The following ROCK2 variants were observed in gnomAD, a reference collection of about 807,000 sequenced individuals.
ROCK2 encodes rho-associated protein kinase 2.
A neutral mutation model predicts 195.1 loss-of-function variants in ROCK2; 61 were observed. The observed-to-expected ratio is 0.31, with a 90% CI of 0.25 to 0.39. The LOEUF (loss-of-function observed/expected upper bound fraction) is 0.39, where lower values mean the gene tolerates loss of function less well. ROCK2 is among the 10% of genes least tolerant of loss of function. The pLI is 1.00. For missense variants in ROCK2, 1,109 were observed against 1,637.4 expected (o/e 0.68, Z 5.57); for synonymous variants, 504 against 545.5 (o/e 0.92, Z 1.06).
intron 3 of ROCK2, among the ~76,000 whole-genome samples, chr2:11,251,063 A>C (rs888400524): frequency 2.0e-5 from 3 of 152,116 alleles, no homozygotes; most frequent in Admixed American, 1.3e-4. Context: ...CTTTCAGCTC[A>C]CTATTCCCTT....
intron 11 of ROCK2, chr2:11,217,423 G>C (rs1664472559): frequency 1.3e-5 from 7 of 525,560 alleles, no homozygotes; most frequent in South Asian, 8.3e-5. Flanking sequence ...CTCTAACTTT[G>C]GCAGAATTGT....
intron 1 of ROCK2, chr2:11,309,035 G>C: frequency 6.5e-7 from 1 of 1,531,726 alleles, no homozygotes; most frequent in Non-Finnish European, 8.8e-7. Flanking sequence ...CAACAGGCAG[G>C]AAGCAAGCCG....
intron 3 of ROCK2, among the ~76,000 whole-genome samples, chr2:11,267,221 C>G (rs1183178948): frequency 6.6e-6 from 1 of 152,056 alleles, no homozygotes; most frequent in Non-Finnish European, 1.5e-5. Flanking sequence ...TACAATTAAC[C>G]CTTAGGAAGC....
intron 1 of ROCK2, among the ~76,000 whole-genome samples, chr2:11,321,280 A>AT (rs1668391200): frequency 6.6e-6 from 1 of 151,922 alleles, no homozygotes; most frequent in Admixed American, 6.5e-5. Context: ...CGTTCAAGCG[A>AT]TTTTCGTGCC....
chr2:11,303,082 T>C (rs909827815), intron 1 of ROCK2, among the ~76,000 whole-genome samples: 6 of 152,152 alleles, frequency 3.9e-5, no homozygotes, highest in African/African-American at 1.4e-4. Flanking sequence ...AATAAAAAAA[T>C]TAAAAAGTTA....
intron 32 of ROCK2, among the ~76,000 whole-genome samples, chr2:11,185,238 G>A (rs1159333980): frequency 6.6e-6 from 1 of 152,194 alleles, no homozygotes; most frequent in African/African-American, 2.4e-5. Context: ...AATTCCAGTA[G>A]GACCCTGCCT....
chr2:11,220,702 C>T (rs1007591339), intron 9 of ROCK2, among the ~76,000 whole-genome samples: 22 of 152,146 alleles, frequency 1.4e-4, no homozygotes, highest in Non-Finnish European at 2.8e-4. Flanking sequence ...CAACACCTCA[C>T]AACTGTCCCC....
intron 1 of ROCK2, among the ~76,000 whole-genome samples, chr2:11,317,612 A>ATATATATATATATTTTT (rs59701503): frequency 5.2e-5 from 1 of 19,310 alleles, no homozygotes; most frequent in Non-Finnish European, 1.0e-4. Flanking sequence ...ATATATATAT[A>ATATATATATATATTTTT]TTTTTTTTTT....
chr2:11,296,457 T>C (rs1405656437), intron 1 of ROCK2, among the ~76,000 whole-genome samples: 1 of 152,194 alleles, frequency 6.6e-6, no homozygotes, highest in Non-Finnish European at 1.5e-5. Flanking sequence ...GAAGTTTGTC[T>C]ATATGGTTTC....
intron 7 of ROCK2, 99 bp from the exon 8 acceptor site, chr2:11,222,273 T>C: frequency 1.5e-6 from 1 of 652,708 alleles, no homozygotes; most frequent in South Asian, 2.4e-5. Flanking sequence ...CTCAAGTAAA[T>C]TTGAGATATT....
rs139236637 is a variant in ROCK2 at position 11,248,262 on chromosome 2, G to A, written c.462+1399C>T. ...ATCTGAACTGCCTTCCACAAGCAAG[G>A]TATCAAACTCCCAGATCATTTAAGC... On this transcript the variant is annotated intron_variant, in intron 4 of 32. Transcript: ENST00000315872. Among the ~76,000 whole-genome samples the A allele has an allele frequency of 1.3e-3, 197 of 151,980 alleles. 1 individual carries two copies. The highest frequency in any genetic ancestry group is 0.011 in the East Asian group (59 of 5,164).
chr2:11,270,816 G>A (rs1384907401), intron 3 of ROCK2, among the ~76,000 whole-genome samples: 1 of 151,382 alleles, frequency 6.6e-6, no homozygotes, highest in African/African-American at 2.4e-5. Flanking sequence ...GATAATTTTA[G>A]TGTTCCTACC....
At chr2:11,302,346 G>A (rs1242687207) in intron 1 of ROCK2, among the ~76,000 whole-genome samples, 1 of 151,668 alleles carries the variant, frequency 6.6e-6, no homozygotes, top group Non-Finnish European at 1.5e-5. Context: ...TTGAGACGGA[G>A]TCTCACTCTG....
chr2:11,315,479 C>T (rs974452756), intron 1 of ROCK2, among the ~76,000 whole-genome samples: 1 of 150,758 alleles, frequency 6.6e-6, no homozygotes, highest in Non-Finnish European at 1.5e-5. Context: ...TAAAAAAAAA[C>T]AGTAAATTAT....
intron 1 of ROCK2, among the ~76,000 whole-genome samples, chr2:11,311,893 G>C (rs1268603979): frequency 3.3e-5 from 5 of 152,162 alleles, no homozygotes; most frequent in Non-Finnish European, 7.4e-5. Flanking sequence ...AGAATATCCA[G>C]AATTATCTAG....
At chr2:11,308,510 C>A in intron 1 of ROCK2, 1 of 1,568,750 alleles carries the variant, frequency 6.4e-7, no homozygotes, top group Non-Finnish European at 8.8e-7. Flanking sequence ...GCCACTGGAA[C>A]CAGGAATGAC....
chr2:11,241,484 C>T (rs549667066), intron 4 of ROCK2, among the ~76,000 whole-genome samples: 2 of 152,050 alleles, frequency 1.3e-5, no homozygotes, highest in Admixed American at 6.6e-5. Context: ...ACTCTATAAA[C>T]CCATAATTCT....
intron 32 of ROCK2, 145 bp from the exon 33 acceptor site, chr2:11,183,585 C>T (rs578235939): frequency 1.7e-6 from 1 of 592,184 alleles, no homozygotes; most frequent in African/African-American, 1.9e-5. Flanking sequence ...CATGCATAAA[C>T]ATACTTACTG....
At chr2:11,261,308 C>G (rs1283515837) in intron 3 of ROCK2, among the ~76,000 whole-genome samples, 1 of 152,190 alleles carries the variant, frequency 6.6e-6, no homozygotes, top group Non-Finnish European at 1.5e-5. Context: ...GTTACAAGTA[C>G]CACAATAAAG....
Sources: gnomAD v4.1 joint callset for allele counts (sites outside exome capture counted in the v4.1 genomes callset) on GRCh38, gnomAD v4.1.1 for gene constraint, MANE v1.5 for transcripts, NCBI Gene and HGNC (gene_info 2026-07-23, HGNC 2026-07-21) for gene names.